LRRC37A2: variants seen among roughly 807,000 people sequenced by gnomAD.
LRRC37A2 encodes leucine rich repeat containing 37 member A2.
LRRC37A2 carries 9 observed loss-of-function variants against 68.8 expected under a neutral mutation model. The ratio of observed to expected loss-of-function variants is 0.13; its 90% CI spans 0.08 to 0.23. The LOEUF is 0.23. LRRC37A2 is among the 10% of genes least tolerant of loss of function. LRRC37A2 has a pLI of 1.00. For missense variants in LRRC37A2, 168 were observed against 950.4 expected (o/e 0.18, Z 10.82); for synonymous variants, 63 against 367.6 (o/e 0.17, Z 9.48).
chr17:46,939,998 C>G, the LRRC37A2 span: 238 of 1,010,692 alleles, frequency 2.4e-4, no homozygotes, highest in Middle Eastern at 5.0e-3. Context: ...TCCTTCAGAT[C>G]TGGAAACCGG....
the LRRC37A2 span, among the ~76,000 whole-genome samples, chr17:46,904,149 TG>T: frequency 2.0e-5 from 3 of 148,970 alleles, no homozygotes; most frequent in South Asian, 2.2e-4. Context: ...GCTGGGTGGC[TG>T]GGCAGATGAA....
chr17:46,679,692 C>CAA, the LRRC37A2 span, among the ~76,000 whole-genome samples: 15 of 101,506 alleles, frequency 1.5e-4, no homozygotes, highest in Non-Finnish European at 2.0e-4. Context: ...AACTCCATGT[C>CAA]AAAAAAAAAA....
At chr17:46,595,804 TACCTTTTA>T in the LRRC37A2 span, among the ~76,000 whole-genome samples, 1 of 138,290 alleles carries the variant, frequency 7.2e-6, no homozygotes, top group Non-Finnish European at 1.5e-5. Context: ...TGGATCTTTT[TACCTTTTA>T]ACCCACTTCT....
At chr17:46,921,719 G>A in the LRRC37A2 span, among the ~76,000 whole-genome samples, 2 of 152,154 alleles carry the variant, frequency 1.3e-5, no homozygotes, top group Non-Finnish European at 2.9e-5. Flanking sequence ...GCAGCCAACA[G>A]ACACATGAAA....
At chr17:46,848,945 C>CACACACAT in the LRRC37A2 span, among the ~76,000 whole-genome samples, 3 of 152,154 alleles carry the variant, frequency 2.0e-5, no homozygotes, top group Non-Finnish European at 4.4e-5. Flanking sequence ...CACACACACA[C>CACACACAT]ACACAGAGCT....
chr17:46,671,729 GTAA>G, the LRRC37A2 span, among the ~76,000 whole-genome samples: 2 of 81,504 alleles, frequency 2.5e-5, no homozygotes, highest in Non-Finnish European at 5.5e-5. Flanking sequence ...AAACTTCATG[GTAA>G]TAATTTGTGA....
chr17:46,960,924 C>CT, the LRRC37A2 span, among the ~76,000 whole-genome samples: 2 of 152,004 alleles, frequency 1.3e-5, no homozygotes, highest in Non-Finnish European at 2.9e-5. Context: ...TGACACAACT[C>CT]TAAGTATTTG....
chr17:46,708,902 G>C, the LRRC37A2 span, among the ~76,000 whole-genome samples: 1 of 140,128 alleles, frequency 7.1e-6, no homozygotes, highest in African/African-American at 2.7e-5. Flanking sequence ...TTGGCTTACT[G>C]CAACCTCCGC....
chr17:46,931,434 T>G, the LRRC37A2 span: 6 of 559,914 alleles, frequency 1.1e-5, no homozygotes, highest in Non-Finnish European at 1.9e-5. Flanking sequence ...CCCTTACCTC[T>G]TTGGTGTCAT....
chr17:46,771,252 G>A, the LRRC37A2 span, among the ~76,000 whole-genome samples: 1 of 152,122 alleles, frequency 6.6e-6, no homozygotes, highest in Non-Finnish European at 1.5e-5. Flanking sequence ...AGGGCCGACC[G>A]AGGACGGCGG....
chr17:46,932,623 G>T, the LRRC37A2 span: 1 of 331,134 alleles, frequency 3.0e-6, no homozygotes, highest in Non-Finnish European at 5.5e-6. Flanking sequence ...AGTGTCAGGT[G>T]CATTAAGATG....
chr17:46,874,884 T>C, the LRRC37A2 span: 1 of 716,442 alleles, frequency 1.4e-6, no homozygotes, highest in Non-Finnish European at 2.4e-6. Context: ...AGCCTGGAAG[T>C]TCCATTTAAA....
At chr17:46,573,170 T>C in the LRRC37A2 span, among the ~76,000 whole-genome samples, 3 of 53,302 alleles carry the variant, frequency 5.6e-5, no homozygotes, top group African/African-American at 6.3e-5. Flanking sequence ...ACTCGTTACA[T>C]TGCAACAATC....
chr17:46,835,999 T>C, the LRRC37A2 span, among the ~76,000 whole-genome samples: 2 of 152,014 alleles, frequency 1.3e-5, no homozygotes, highest in Admixed American at 6.5e-5. Flanking sequence ...CTTAAAGTTA[T>C]TGTGCCCACA....
the LRRC37A2 span, among the ~76,000 whole-genome samples, chr17:46,854,142 C>G: frequency 6.6e-6 from 1 of 152,092 alleles, no homozygotes; most frequent in Non-Finnish European, 1.5e-5. Flanking sequence ...AAAACTGGGG[C>G]CTCATGATGT....
the LRRC37A2 span, chr17:46,930,476 G>C: frequency 1.3e-5 from 2 of 152,310 alleles, no homozygotes; most frequent in Non-Finnish European, 2.9e-5. Flanking sequence ...CGTATTTATC[G>C]TATCTCTTTA....
the LRRC37A2 span, among the ~76,000 whole-genome samples, chr17:47,029,167 T>C: frequency 6.6e-6 from 1 of 151,712 alleles, no homozygotes; most frequent in Admixed American, 6.6e-5. Context: ...TCCAGGCTGG[T>C]CTCGAACTCC....
the LRRC37A2 span, among the ~76,000 whole-genome samples, chr17:46,754,269 C>T: frequency 6.6e-6 from 1 of 150,654 alleles, no homozygotes; most frequent in South Asian, 2.1e-4. Context: ...TGTAGTCTGA[C>T]CTCTTACCTT....
At chr17:46,963,825 G>T in the LRRC37A2 span, 1 of 152,026 alleles carries the variant, frequency 6.6e-6, no homozygotes, top group Non-Finnish European at 1.5e-5. Context: ...TCTCCTTTTT[G>T]TTTTTAAAGA....
Sources: allele counts gnomAD v4.1 joint callset (sites outside exome capture counted in the v4.1 genomes callset), GRCh38; gene constraint gnomAD v4.1.1; transcripts MANE v1.5; gene names NCBI Gene and HGNC (gene_info 2026-07-23, HGNC 2026-07-21).